The following TOX variants were observed in gnomAD, a reference collection of about 807,000 sequenced individuals.
TOX encodes the protein thymocyte selection associated high mobility group box.
Under a neutral mutation model 53.7 loss-of-function variants are expected in TOX, and 11 were observed. The observed-to-expected ratio is 0.20, with a 90% confidence interval of 0.13 to 0.34. The LOEUF is 0.34. TOX is among the 10% of genes least tolerant of loss of function. The pLI, the probability that TOX is intolerant of heterozygous loss-of-function variation, is 1.00. For missense variants in TOX, 570 were observed against 664.6 expected, an observed-to-expected ratio of 0.86 and a Z score of 1.56; for synonymous variants, 225 against 245.3, an observed-to-expected ratio of 0.92 and a Z score of 0.77.
intron 3 of TOX, among the ~76,000 whole-genome samples, chr8:58,934,573 C>T (rs192230488): frequency 1.3e-5 from 2 of 152,250 alleles, no homozygotes; most frequent in Admixed American, 6.5e-5. Context: ...AACTGACGCA[C>T]TCTGGCCCAA....
chr8:59,095,439 C>T (rs190340051), intron 1 of TOX, among the ~76,000 whole-genome samples: 2 of 152,310 alleles, frequency 1.3e-5, no homozygotes, highest in East Asian at 3.9e-4. Context: ...TGAAGTCTCG[C>T]TCTGTCGCCC....
At chr8:58,821,903 G>C (rs1433717470) in intron 6 of TOX, among the ~76,000 whole-genome samples, 1 of 152,072 alleles carries the variant, frequency 6.6e-6, no homozygotes, top group Non-Finnish European at 1.5e-5. Flanking sequence ...GGAAACCTGG[G>C]ATTCGAATCC....
intron 2 of TOX, among the ~76,000 whole-genome samples, chr8:58,949,555 T>C (rs1036793941): frequency 6.6e-6 from 1 of 152,160 alleles, no homozygotes; most frequent in Non-Finnish European, 1.5e-5. Flanking sequence ...AGAGGTTAAA[T>C]TATTTGCCTG....
Position 59,080,417 on chromosome 8 carries a change from C to T in TOX, c.102+38469G>A, listed in dbSNP as rs78026589. On this transcript the variant is annotated intron_variant, in intron 1 of 8. Coordinates refer to ENST00000361421, the MANE Select transcript of TOX (RefSeq NM_014729.3). ...ATAGGTAAAGGTACTCCCCTTGTCT[C>T]GATGGGATTTTGGACTTTAGACTTT... is the stretch of plus-strand genomic sequence containing the variant. Among the ~76,000 whole-genome samples, 22 of 152,084 alleles carry T rather than the reference C, an allele frequency of 1.4e-4. 1 individual carries two copies. The East Asian group carries it at 3.5e-3, about 24-fold the overall frequency.
chr8:58,816,710 G>A (rs1810184329), intron 6 of TOX, among the ~76,000 whole-genome samples: 1 of 152,146 alleles, frequency 6.6e-6, no homozygotes, highest in Non-Finnish European at 1.5e-5. Flanking sequence ...CAATCTCAAT[G>A]TCATGCTTAT....
At chr8:59,069,895 T>C (rs1175886882) in intron 1 of TOX, among the ~76,000 whole-genome samples, 2 of 152,128 alleles carry the variant, frequency 1.3e-5, no homozygotes, top group East Asian at 3.9e-4. Context: ...GAGAAGGGCC[T>C]AAGAAGTGTG....
In TOX at chr8:59,118,004, CT is replaced by C. The variant is rs1031752445; in HGVS notation, c.102+881del. On this transcript the variant is annotated intron_variant, in intron 1 of 8. Transcript: ENST00000361421. This position sits in a 1 kb window ranked among gnomAD's most constrained non-coding sequence, Gnocchi z 4.1. Reference sequence around the variant, plus strand: ...AGAGTAACCCCCTCCCTCGTACCCCCTGACTGTCCTATAGGTGGACCCAGCC... The same window carrying C: ...AGAGTAACCCCCTCCCTCGTACCCCCGACTGTCCTATAGGTGGACCCAGCC... 6.6e-6 allele frequency among the ~76,000 whole-genome samples: 1 copy of C among 152,172 alleles called. No individual in the cohort carries two copies. Among genetic ancestry groups the C allele is most frequent in the Non-Finnish European group, 1.5e-5 (1 of 68,016 alleles).
intron 1 of TOX, among the ~76,000 whole-genome samples, chr8:59,003,380 C>T (rs1488796916): frequency 2.0e-5 from 3 of 152,158 alleles, no homozygotes; most frequent in Non-Finnish European, 4.4e-5. Flanking sequence ...TTATTACACG[C>T]TGCATCCTCC....
At chr8:58,885,833 TCTG>T (rs926502247) in intron 3 of TOX, among the ~76,000 whole-genome samples, 44 of 152,134 alleles carry the variant, frequency 2.9e-4, no homozygotes, top group African/African-American at 1.0e-3. Context: ...TCCATAATAA[TCTG>T]GCTATTATTT....
intron 1 of TOX, among the ~76,000 whole-genome samples, chr8:58,962,914 T>A (rs1172367785): frequency 6.6e-6 from 1 of 152,220 alleles, no homozygotes; most frequent in Non-Finnish European, 1.5e-5. Flanking sequence ...TCAAACATTC[T>A]TCTGGGTGTG....
At chr8:59,085,629 C>T (rs963664313) in intron 1 of TOX, among the ~76,000 whole-genome samples, 1 of 152,246 alleles carries the variant, frequency 6.6e-6, no homozygotes, top group African/African-American at 2.4e-5. Context: ...CTTAAACAAT[C>T]CTCCTGCCTT....
intron 1 of TOX, among the ~76,000 whole-genome samples, chr8:59,085,133 C>A (rs1804483528): frequency 6.6e-6 from 1 of 152,156 alleles, no homozygotes. Context: ...ACCAAAACAG[C>A]CTTTGATCTG....
At chr8:58,865,867 C>CTTTTTTTTTT in intron 3 of TOX, among the ~76,000 whole-genome samples, 4 of 55,778 alleles carry the variant, frequency 7.2e-5, no homozygotes, top group Non-Finnish European at 1.1e-4. Flanking sequence ...CAGAGTCTCA[C>CTTTTTTTTTT]TCTGTCGTCC....
chr8:58,832,590 C>A (rs879857337), intron 5 of TOX, among the ~76,000 whole-genome samples: 28 of 152,130 alleles, frequency 1.8e-4, no homozygotes, highest in Non-Finnish European at 3.8e-4. Context: ...TCTGTGGGCT[C>A]AGAGGATTTG....
rs1563370142 is a variant in TOX at position 58,851,824 on chromosome 8, TAAATAAATAA to T, written c.412-29_412-20del. 4 of 1,269,274 alleles carry T rather than the reference TAAATAAATAA, an allele frequency of 3.2e-6. No individual in the cohort carries two copies. The highest frequency in any genetic ancestry group is 4.0e-6 in the Non-Finnish European group (4 of 996,838). The allele number at this position is 1,269,274 out of a possible 1,614,324, so 78.6% of individuals were successfully genotyped here. A position where few individuals can be genotyped will look rare whatever the true frequency, so the allele number is the denominator to read the frequency against. ...CTGGCATCTACAATAAATAAATAAA[TAAATAAATAA>T]ATAAATAAATAAATAGGAAAGGAGT... On this transcript the variant is annotated intron_variant, in intron 3 of 8. Transcript: ENST00000361421. This position sits in a 1 kb window ranked among gnomAD's most constrained non-coding sequence, Gnocchi z 4.4.
At chr8:59,051,813 T>G (rs10504279) in intron 1 of TOX, among the ~76,000 whole-genome samples, 24,656 of 152,136 alleles carry the variant, frequency 0.16, 2,308 homozygotes, top group Non-Finnish European at 0.22. Context: ...AATTGGTATT[T>G]AGACTCCCAA....
chr8:59,085,979 C>CTTT (rs35593177), intron 1 of TOX, among the ~76,000 whole-genome samples: 116 of 88,814 alleles, frequency 1.3e-3, no homozygotes, highest in South Asian at 2.7e-3. Flanking sequence ...CTTTTCTTTT[C>CTTT]TTTTTTTTTT....
Position 58,851,838 on chromosome 8 carries a change from A to T in TOX, c.412-33T>A. The T allele has an allele frequency of 1.6e-6, 2 of 1,275,240 alleles. No homozygotes were observed. Among genetic ancestry groups the T allele is most frequent in the Non-Finnish European group, 2.0e-6 (2 of 1,000,774 alleles). The allele number at this position is 1,275,240 out of a possible 1,614,324, so 79.0% of individuals were successfully genotyped here. On this transcript the variant is annotated intron_variant, in intron 3 of 8. Coordinates refer to ENST00000361421, the MANE Select transcript of TOX (RefSeq NM_014729.3). This position sits in a 1 kb window ranked among gnomAD's most constrained non-coding sequence, Gnocchi z 4.4. ...AAATAAATAAATAAATAAATAAATA[A>T]ATAAATAAATAGGAAAGGAGTAATT...
chr8:58,811,372 C>A (rs1810072187), intron 7 of TOX, among the ~76,000 whole-genome samples: 1 of 152,080 alleles, frequency 6.6e-6, no homozygotes, highest in Non-Finnish European at 1.5e-5. Context: ...AAATAGGAAA[C>A]ATGATAAAGA....
Sources: gnomAD v4.1 joint callset for allele counts (sites outside exome capture counted in the v4.1 genomes callset) on GRCh38, gnomAD v4.1.1 for gene constraint, Gnocchi (gnomAD v3.1) non-coding constraint, MANE v1.5 for transcripts, NCBI Gene and HGNC (gene_info 2026-07-23, HGNC 2026-07-21) for gene names.